The following TRAF3IP1 variants were observed in gnomAD, a reference collection of about 807,000 sequenced individuals.
TRAF3IP1 encodes the protein TRAF3-interacting protein 1.
A neutral mutation model predicts 89.9 loss-of-function variants in TRAF3IP1; 53 were observed. That is an observed-to-expected ratio of 0.59 (90% CI 0.47 to 0.74). The LOEUF (loss-of-function observed/expected upper bound fraction) is 0.74. Ranked by LOEUF, TRAF3IP1 falls within the 30% of genes least tolerant of loss-of-function variation. The pLI is 0.00. For synonymous variants in TRAF3IP1, 311 were observed against 322.1 expected (o/e 0.97, Z 0.37); for missense variants, 806 against 866.1 (o/e 0.93, Z 0.87).
At chr2:238,333,373 C>T (rs1698222241) in intron 6 of TRAF3IP1, among the ~76,000 whole-genome samples, 1 of 152,110 alleles carries the variant, frequency 6.6e-6, no homozygotes. Flanking sequence ...AGGTTACACT[C>T]ATCCCAAGCA....
rs967595365 is a variant in TRAF3IP1 at position 238,351,879 on chromosome 2, G to T, written c.1452-948G>T. ...TGTGTGTGTGTGTGCGCGCGCGCGC[G>T]TGTGCGTGCATGTGCTTGTGTGTAT... On this transcript the variant is annotated intron_variant, in intron 12 of 16. Coordinates refer to ENST00000373327, the MANE Select transcript of TRAF3IP1 (RefSeq NM_015650.4). The surrounding 1 kb of genome is among the most constrained non-coding windows in gnomAD (Gnocchi z 5.2). Among the ~76,000 whole-genome samples the T allele has an allele frequency of 2.0e-5, 3 of 151,040 alleles. No homozygotes were observed. Among genetic ancestry groups the T allele is most frequent in the Non-Finnish European group, 4.4e-5 (3 of 67,590 alleles).
chr2:238,396,504 A>G (rs990135452), intron 15 of TRAF3IP1, among the ~76,000 whole-genome samples: 1 of 151,904 alleles, frequency 6.6e-6, no homozygotes, highest in East Asian at 1.9e-4. Context: ...CATTGTGTAC[A>G]TGTACCCTAA....
chr2:238,334,723 G>T (rs1245598298), intron 7 of TRAF3IP1, among the ~76,000 whole-genome samples: 2 of 152,242 alleles, frequency 1.3e-5, no homozygotes, highest in Non-Finnish European at 2.9e-5. Context: ...TAGAAAGGAG[G>T]CTTAGATGGT....
At chr2:238,356,366 G>T (rs979706254) in intron 15 of TRAF3IP1, among the ~76,000 whole-genome samples, 22 of 152,108 alleles carry the variant, frequency 1.4e-4, no homozygotes, top group African/African-American at 5.3e-4. Context: ...GTGTGGTGGC[G>T]CATGCCTGTA....
At chr2:238,371,688 G>A (rs1036085311) in intron 15 of TRAF3IP1, among the ~76,000 whole-genome samples, 4 of 152,068 alleles carry the variant, frequency 2.6e-5, no homozygotes, top group African/African-American at 9.7e-5. Flanking sequence ...TATATCCTAA[G>A]TATAAAACAC....
rs188257985 is a variant in TRAF3IP1 at position 238,323,829 on chromosome 2, A to G, written c.124-1477A>G. On this transcript the variant is annotated intron_variant, in intron 1 of 16. Coordinates refer to ENST00000373327, the MANE Select transcript of TRAF3IP1 (RefSeq NM_015650.4). ...AAAAAACTGCAGTCTGAGACAACCCAGGACCCTGGCTGGGTGTGGTGGTTG... is the reference window on the plus strand; with the variant it reads ...AAAAAACTGCAGTCTGAGACAACCCGGGACCCTGGCTGGGTGTGGTGGTTG... Among the ~76,000 whole-genome samples, 42 of 152,312 alleles carry G rather than the reference A, an allele frequency of 2.8e-4. 1 individual carries two copies. The highest frequency in any genetic ancestry group is 9.4e-4 in the African/African-American group (39 of 41,560).
At position 238,350,277 on chromosome 2, in the gene TRAF3IP1, A is replaced by G. The variant is rs190031467; in HGVS notation, c.1451+869A>G. ...AGTTATTATTTTTCTAATGACGGGA[A>G]TGATCCAGTGGAAAGGGGAAATTGA... is the stretch of plus-strand genomic sequence containing the variant. On this transcript the variant is annotated intron_variant, in intron 12 of 16. Coordinates refer to ENST00000373327, the MANE Select transcript of TRAF3IP1 (RefSeq NM_015650.4). Among the ~76,000 whole-genome samples, 15 of 152,222 alleles carry G rather than the reference A, an allele frequency of 9.9e-5. No homozygotes were observed. The East Asian group carries it at 2.9e-3, about 29-fold the overall frequency.
In TRAF3IP1 at chr2:238,349,356, G is replaced by A; in HGVS notation, c.1399G>A (p.Ala467Thr). The change falls in exon 12 of 17, where the codon GCC (alanine) becomes ACC (threonine). Residue 467 changes from alanine to threonine, a missense_variant. Coordinates refer to ENST00000373327, the MANE Select transcript of TRAF3IP1 (RefSeq NM_015650.4). ...TCCTCGGCCTGGGAGTGCAAGACCA[G>A]CCCCTCCCCGGGTCAAACGGCAAGA... is the stretch of plus-strand genomic sequence containing the variant. Reference protein sequence around the residue: ...RIPRPGSARPAPPRVKRQDSM... With the variant: ...RIPRPGSARPTPPRVKRQDSM... 2 of 1,614,148 alleles carry A rather than the reference G, an allele frequency of 1.2e-6. No individual in the cohort carries two copies. The highest frequency in any genetic ancestry group is 8.5e-7 in the Non-Finnish European group (1 of 1,180,038).
intron 15 of TRAF3IP1, among the ~76,000 whole-genome samples, chr2:238,357,481 C>T (rs559672104): frequency 6.6e-6 from 1 of 152,312 alleles, no homozygotes; most frequent in East Asian, 1.9e-4. Flanking sequence ...CTTAACATGT[C>T]CTAGTTTGTC....
intron 8 of TRAF3IP1, among the ~76,000 whole-genome samples, chr2:238,341,047 G>T (rs1300055102): frequency 6.6e-6 from 1 of 152,028 alleles, no homozygotes; most frequent in Non-Finnish European, 1.5e-5. Context: ...TTGAGACAGG[G>T]CTTTGCTCTG....
At chr2:238,342,344 A>G (rs1169851840) in intron 8 of TRAF3IP1, among the ~76,000 whole-genome samples, 1 of 151,742 alleles carries the variant, frequency 6.6e-6, no homozygotes, top group Non-Finnish European at 1.5e-5. Context: ...TATTTGACAA[A>G]TTGGTTAGTC....
At chr2:238,366,410 CATG>C (rs1326230276) in intron 15 of TRAF3IP1, among the ~76,000 whole-genome samples, 1 of 151,414 alleles carries the variant, frequency 6.6e-6, no homozygotes, top group Non-Finnish European at 1.5e-5. Flanking sequence ...AAATAAAGTT[CATG>C]ATAAGGATAA....
At chr2:238,326,662 T>G (rs531493366) in intron 3 of TRAF3IP1, among the ~76,000 whole-genome samples, 2 of 152,256 alleles carry the variant, frequency 1.3e-5, no homozygotes, top group African/African-American at 4.8e-5. Flanking sequence ...AGTAGTGCCC[T>G]GTGGAGGAGC....
intron 9 of TRAF3IP1, 34 bp from the exon 10 acceptor site, chr2:238,347,421 C>T (rs534241339): frequency 5.2e-5 from 84 of 1,613,426 alleles, no homozygotes; most frequent in Admixed American, 4.8e-4. Context: ...GTTGACTACA[C>T]GAAAGCTAAT....
At chr2:238,336,599 A>G (rs1447474966) in intron 7 of TRAF3IP1, among the ~76,000 whole-genome samples, 1 of 152,174 alleles carries the variant, frequency 6.6e-6, no homozygotes, top group East Asian at 1.9e-4. Flanking sequence ...CTGCCTGAGA[A>G]TATTATAATT....
At position 238,345,372 on chromosome 2, in the gene TRAF3IP1, T is replaced by C. The variant is rs1312473442; in HGVS notation, c.1261+774T>C. ...TGGCAGTCTGGGACGGGAGGGGCCT[T>C]GGTTGGTGAGGGTGGCCCAGAAAGC... On this transcript the variant is annotated intron_variant, in intron 9 of 16. Coordinates refer to ENST00000373327, the MANE Select transcript of TRAF3IP1 (RefSeq NM_015650.4). This position sits in a 1 kb window ranked among gnomAD's most constrained non-coding sequence, Gnocchi z 4.7. Among the ~76,000 whole-genome samples, 1 of 152,028 alleles carries C rather than the reference T, an allele frequency of 6.6e-6. No individual in the cohort carries two copies. Among genetic ancestry groups the C allele is most frequent in the Non-Finnish European group, 1.5e-5 (1 of 67,988 alleles).
rs1421537563 is a variant in TRAF3IP1 at position 238,351,866 on chromosome 2, T to TGTGTGC, written c.1452-960_1452-959insTGTGCG. On this transcript the variant is annotated intron_variant, in intron 12 of 16. Coordinates refer to ENST00000373327, the MANE Select transcript of TRAF3IP1 (RefSeq NM_015650.4). This position sits in a 1 kb window ranked among gnomAD's most constrained non-coding sequence, Gnocchi z 5.2. ...GTGTGTGTGTGTGTGTGTGTGTGTG[T>TGTGTGC]GCGCGCGCGCGCGTGTGCGTGCATG... Among the ~76,000 whole-genome samples, 52 of 128,244 alleles carry TGTGTGC rather than the reference T, an allele frequency of 4.1e-4. No homozygotes were observed. Among genetic ancestry groups the TGTGTGC allele is most frequent in the African/African-American group, 1.5e-3 (43 of 29,480 alleles). The allele number at this position is 128,244 out of a possible 152,430, so 84.1% of individuals were successfully genotyped here. A position where few individuals can be genotyped will look rare whatever the true frequency, so the allele number is the denominator to read the frequency against.
chr2:238,334,684 G>A (rs1698299743), intron 7 of TRAF3IP1, among the ~76,000 whole-genome samples: 1 of 152,182 alleles, frequency 6.6e-6, no homozygotes, highest in Non-Finnish European at 1.5e-5. Flanking sequence ...AAGAAGGGTG[G>A]CAAGATGTAG....
intron 15 of TRAF3IP1, among the ~76,000 whole-genome samples, chr2:238,387,863 G>T (rs935666044): frequency 3.3e-5 from 5 of 152,210 alleles, no homozygotes; most frequent in African/African-American, 1.2e-4. Context: ...AGGATCACTT[G>T]AGGCCAGGAG....
Sources: gnomAD v4.1 joint callset for allele counts (sites outside exome capture counted in the v4.1 genomes callset) on GRCh38, gnomAD v4.1.1 for gene constraint, Gnocchi (gnomAD v3.1) non-coding constraint, MANE v1.5 for transcripts, NCBI Gene and HGNC (gene_info 2026-07-23, HGNC 2026-07-21) for gene names.